LINGO2: variants seen among roughly 807,000 people sequenced by gnomAD.
LINGO2 encodes leucine-rich repeat and immunoglobulin-like domain-containing nogo receptor-interacting protein 2.
A neutral mutation model predicts 30.6 loss-of-function variants in LINGO2; 14 were observed. That is an observed-to-expected ratio of 0.46 (90% CI 0.30 to 0.72). The LOEUF is 0.72. Among genes scored for constraint, LINGO2 ranks in the 30% least tolerant of loss-of-function variants. The probability of loss-of-function intolerance (pLI) is 0.07; values close to 1 mark genes in which losing one functional copy is unlikely to be tolerated. For synonymous variants in LINGO2, 317 were observed against 288.5 expected (o/e 1.10, Z -1.00); for missense variants, 729 against 751.7 (o/e 0.97, Z 0.35).
chr9:28,686,610 G>A, the LINGO2 span, among the ~76,000 whole-genome samples: 2 of 151,924 alleles, frequency 1.3e-5, no homozygotes, highest in African/African-American at 4.8e-5. Context: ...ATTAATCCTG[G>A]ACTATGCTTT....
chr9:27,981,391 C>T (rs1366502864), intron 5 of LINGO2, among the ~76,000 whole-genome samples: 1 of 151,094 alleles, frequency 6.6e-6, no homozygotes, highest in Non-Finnish European at 1.5e-5. Flanking sequence ...AACATGAGCT[C>T]AAATAGATCT....
At chr9:29,109,506 G>T in the LINGO2 span, among the ~76,000 whole-genome samples, 3 of 152,108 alleles carry the variant, frequency 2.0e-5, no homozygotes, top group Non-Finnish European at 4.4e-5. Context: ...ATATAAGGAG[G>T]TTTGCGTAAG....
chr9:28,646,636 A>G (rs534234351), intron 1 of LINGO2, among the ~76,000 whole-genome samples: 5 of 152,006 alleles, frequency 3.3e-5, no homozygotes, highest in African/African-American at 1.2e-4. Flanking sequence ...AGCATCCAAC[A>G]CTGTTGAAGG....
the LINGO2 span, among the ~76,000 whole-genome samples, chr9:28,841,787 A>G: frequency 2.0e-5 from 3 of 151,880 alleles, no homozygotes; most frequent in South Asian, 2.1e-4. Context: ...AAATGAAGCT[A>G]AAGAATATGA....
At chr9:27,973,662 C>G (rs917524730) in intron 5 of LINGO2, among the ~76,000 whole-genome samples, 2 of 152,144 alleles carry the variant, frequency 1.3e-5, no homozygotes, top group Non-Finnish European at 2.9e-5. Flanking sequence ...TTAGCCCAGC[C>G]TTTGGGTTTT....
At chr9:27,996,135 T>C (rs897746307) in intron 5 of LINGO2, among the ~76,000 whole-genome samples, 3 of 151,942 alleles carry the variant, frequency 2.0e-5, no homozygotes, top group Non-Finnish European at 2.9e-5. Flanking sequence ...AGACAGAAAA[T>C]AACAGATACT....
At position 28,329,564 on chromosome 9, in the gene LINGO2, C is replaced by T. The variant is rs139175856; in HGVS notation, c.-245-34198G>A. On this transcript the variant is annotated intron_variant, in intron 3 of 5. Coordinates refer to ENST00000379992, the Ensembl canonical transcript of LINGO2. The surrounding 1 kb of genome is among the most constrained non-coding windows in gnomAD (Gnocchi z 4.5). The stretch of plus-strand genomic sequence containing the variant: ...TTCAGACTTGTTTGAGCCAGGGCTT[C>T]GGTTCAAGCCAGGATATCCAAGCAT... Among the ~76,000 whole-genome samples, 123 of 152,232 alleles carry T rather than the reference C, an allele frequency of 8.1e-4. No individual in the cohort carries two copies. The highest frequency in any genetic ancestry group is 2.6e-3 in the African/African-American group (110 of 41,536).
Position 28,567,839 on chromosome 9 carries a change from G to A in LINGO2, c.-364-91814C>T, listed in dbSNP as rs537892808. Among the ~76,000 whole-genome samples the A allele has an allele frequency of 4.6e-5, 7 of 150,680 alleles. No homozygotes were observed. In the South Asian group the frequency reaches 1.5e-3, roughly 32 times the overall value. On this transcript the variant is annotated intron_variant, in intron 1 of 5. Transcript: ENST00000379992. ...TAAATAAATAAATTTATAAGGAGCT[G>A]TTAAATACTTCTAGATTCAAAGCAT...
At chr9:29,206,272 A>T in the LINGO2 span, among the ~76,000 whole-genome samples, 55 of 152,330 alleles carry the variant, frequency 3.6e-4, no homozygotes, top group South Asian at 6.2e-4. Context: ...GGAACTATAA[A>T]GACAATTATT....
In LINGO2 at chr9:28,391,500, T is replaced by C. The variant is rs1821827499; in HGVS notation, c.-278-18632A>G. 5.3e-5 allele frequency among the ~76,000 whole-genome samples: 8 copies of C among 152,290 alleles called. No homozygotes were observed. In the South Asian group the frequency reaches 1.7e-3, roughly 32 times the overall value. ...AATCATCTGTTTTTCTGTTATGATT[T>C]ATCATTTCCTTACCAAGGCCTTCCC... On this transcript the variant is annotated intron_variant, in intron 2 of 5. Transcript: ENST00000379992.
At chr9:28,166,048 C>T (rs1828418551) in intron 4 of LINGO2, among the ~76,000 whole-genome samples, 1 of 152,112 alleles carries the variant, frequency 6.6e-6, no homozygotes, top group African/African-American at 2.4e-5. Flanking sequence ...AACAGAGTGG[C>T]CTTTCAAAAG....
chr9:28,302,656 G>A (rs1264940380), intron 3 of LINGO2, among the ~76,000 whole-genome samples: 2 of 152,168 alleles, frequency 1.3e-5, no homozygotes, highest in South Asian at 2.1e-4. Flanking sequence ...GGGCAACTGA[G>A]TGAGAACCTG....
rs566056412 is a variant in LINGO2, at chr9:28,265,151, T to A, written c.-87+30057A>T. Among the ~76,000 whole-genome samples, 6 of 150,694 alleles carry A rather than the reference T, an allele frequency of 4.0e-5. No individual in the cohort carries two copies. The East Asian group carries it at 1.2e-3, about 30-fold the overall frequency. On this transcript the variant is annotated intron_variant, in intron 4 of 5. Transcript: ENST00000379992. ...CTTAAAACAAATATCTTCATATATGTGTATATACACAACAACACAACACAC... is the reference window on the plus strand; with the variant it reads ...CTTAAAACAAATATCTTCATATATGAGTATATACACAACAACACAACACAC...
chr9:29,165,094 A>G, the LINGO2 span, among the ~76,000 whole-genome samples: 4 of 152,240 alleles, frequency 2.6e-5, no homozygotes, highest in African/African-American at 9.6e-5. Flanking sequence ...TAGTTCAAAG[A>G]ACTACTAAGA....
chr9:28,746,994 G>T, the LINGO2 span, among the ~76,000 whole-genome samples: 1 of 152,022 alleles, frequency 6.6e-6, no homozygotes, highest in African/African-American at 2.4e-5. Flanking sequence ...ATACTGGGTA[G>T]AAAGAAGAGG....
At chr9:28,358,854 T>TCTAAAAAG (rs1820331725) in intron 3 of LINGO2, among the ~76,000 whole-genome samples, 1 of 152,152 alleles carries the variant, frequency 6.6e-6, no homozygotes, top group Non-Finnish European at 1.5e-5. Flanking sequence ...AAAATCTTTT[T>TCTAAAAAG]ATTCATTCAA....
At chr9:28,467,305 G>T (rs1471914280) in intron 2 of LINGO2, among the ~76,000 whole-genome samples, 1 of 151,978 alleles carries the variant, frequency 6.6e-6, no homozygotes, top group East Asian at 1.9e-4. Flanking sequence ...GGGATTACAG[G>T]TGTGAGCCAC....
At chr9:29,169,560 CA>C in the LINGO2 span, among the ~76,000 whole-genome samples, 2 of 151,900 alleles carry the variant, frequency 1.3e-5, no homozygotes, top group Non-Finnish European at 2.9e-5. Flanking sequence ...CAGAGAAATG[CA>C]AATTAAAACC....
chr9:29,142,244 G>C, the LINGO2 span, among the ~76,000 whole-genome samples: 1 of 151,724 alleles, frequency 6.6e-6, no homozygotes, highest in Admixed American at 6.6e-5. Flanking sequence ...AAAATCAATA[G>C]CAGAAGGAAT....
Sources: gnomAD v4.1 joint callset for allele counts (sites outside exome capture counted in the v4.1 genomes callset) on GRCh38, gnomAD v4.1.1 for gene constraint, Gnocchi (gnomAD v3.1) non-coding constraint, MANE v1.5 for transcripts, NCBI Gene and HGNC (gene_info 2026-07-23, HGNC 2026-07-21) for gene names.